CDKN2C: variants seen among roughly 807,000 people sequenced by gnomAD.
The protein encoded by CDKN2C is cyclin-dependent kinase 4 inhibitor C.
In CDKN2C, 5 loss-of-function variants were observed where a neutral mutation model predicts 11.0. That is an observed-to-expected ratio of 0.45 (90% CI 0.24 to 0.95). The LOEUF (loss-of-function observed/expected upper bound fraction) is 0.95. Ranked by LOEUF, CDKN2C falls within the 40% of genes least tolerant of loss-of-function variation. The pLI is 0.21. For synonymous variants in CDKN2C, 79 were observed against 88.3 expected, an observed-to-expected ratio of 0.89 and a Z score of 0.59; for missense variants, 161 against 211.9, an observed-to-expected ratio of 0.76 and a Z score of 1.49.
chr1:50,965,351 A>C (rs993604228), upstream of CDKN2C, among the ~76,000 whole-genome samples: 1 of 152,028 alleles, frequency 6.6e-6, no homozygotes, highest in African/African-American at 2.4e-5. Context: ...TACAAAAATT[A>C]GCTGGGTGTG....
At chr1:50,965,826 T>A (rs1645344797), upstream of CDKN2C, among the ~76,000 whole-genome samples, 1 of 152,150 alleles carries the variant, frequency 6.6e-6, no homozygotes, top group South Asian at 2.1e-4. Flanking sequence ...TAAAGTCACA[T>A]AAAAGGCTGC....
chr1:50,962,626 C>T (rs774612627), intron 1 of CDKN2C, among the ~76,000 whole-genome samples: 1 of 152,180 alleles, frequency 6.6e-6, no homozygotes, highest in Non-Finnish European at 1.5e-5. Flanking sequence ...CCTCAGAACC[C>T]ATTCAAATCC....
In CDKN2C at chr1:50,970,404, A is replaced by C. The variant is rs758854054; in HGVS notation, c.36A>C (p.Ala12=). The change falls in exon 1 of 2, where the codon GCA becomes GCC. Residue 12 remains alanine (A), a synonymous_variant. Coordinates refer to ENST00000371761, the MANE Select transcript of CDKN2C (RefSeq NM_078626.3). The part of the protein sequence containing the change: ...AEPWGNELAS[A]AARGDLEQLT... Reference sequence around the variant, plus strand: ...CTTGGGGGAACGAGTTGGCGTCCGCAGCTGCCAGGGGGGACCTAGAGCAAC... The same window carrying C: ...CTTGGGGGAACGAGTTGGCGTCCGCCGCTGCCAGGGGGGACCTAGAGCAAC... 2 of 1,614,156 alleles carry C rather than the reference A, an allele frequency of 1.2e-6. No homozygotes were observed. Among genetic ancestry groups the C allele is most frequent in the Non-Finnish European group, 1.7e-6 (2 of 1,180,018 alleles).
chr1:50,961,253 T>C (rs1260632376), intron 1 of CDKN2C, among the ~76,000 whole-genome samples: 11 of 152,202 alleles, frequency 7.2e-5, no homozygotes, highest in Admixed American at 7.2e-4. Flanking sequence ...TTGGGCAAGC[T>C]GATCTCGAAC....
intron 1 of CDKN2C, chr1:50,960,878 C>A (rs781117523): frequency 1.8e-4 from 27 of 151,920 alleles, no homozygotes; most frequent in Non-Finnish European, 3.5e-4. Flanking sequence ...ATAACAACCT[C>A]GAGTTAATAG....
chr1:50,972,305 A>G (rs1411416006), intron 1 of CDKN2C, among the ~76,000 whole-genome samples: 1 of 152,134 alleles, frequency 6.6e-6, no homozygotes, highest in Admixed American at 6.5e-5. Flanking sequence ...TAAATTATGT[A>G]TCACTGTTTA....
intron 1 of CDKN2C, among the ~76,000 whole-genome samples, chr1:50,972,898 G>A (rs1174784427): frequency 1.3e-5 from 2 of 152,130 alleles, no homozygotes; most frequent in East Asian, 3.8e-4. Flanking sequence ...ATTATTAAAT[G>A]AGCTCAAACC....
At chr1:50,970,109 C>T (rs1335336109), upstream of CDKN2C, 1 of 533,866 alleles carries the variant, frequency 1.9e-6, no homozygotes, top group Non-Finnish European at 3.4e-6. Context: ...CAGAATTCTT[C>T]ATAGGGGTTA....
At chr1:50,973,353 ACAT>A (rs1212667110) in intron 1 of CDKN2C, among the ~76,000 whole-genome samples, 1 of 152,354 alleles carries the variant, frequency 6.6e-6, no homozygotes, top group East Asian at 1.9e-4. Context: ...GATTTTTAAA[ACAT>A]CATTTTTACA....
chr1:50,971,437 T>C (rs1343958465), intron 1 of CDKN2C, among the ~76,000 whole-genome samples: 1 of 152,210 alleles, frequency 6.6e-6, no homozygotes, highest in Non-Finnish European at 1.5e-5. Context: ...AAAATTTAAG[T>C]GCCAAGAGAT....
chr1:50,962,232 A>C (rs72692216), intron 1 of CDKN2C, among the ~76,000 whole-genome samples: 2,037 of 152,264 alleles, frequency 0.013, 19 homozygotes, highest in Middle Eastern at 0.02. Context: ...AATAATACAA[A>C]AATTAGCTGG....
intron 1 of CDKN2C, 75 bp downstream of exon 1, chr1:50,970,572 T>G: frequency 6.4e-7 from 1 of 1,551,256 alleles, no homozygotes; most frequent in East Asian, 2.2e-5. Context: ...ATTTACAGCT[T>G]TTAAGCTTTC....
At chr1:50,973,746 G>T in intron 1 of CDKN2C, 147 bp from the exon 2 acceptor site, 1 of 920,838 alleles carries the variant, frequency 1.1e-6, no homozygotes, top group Non-Finnish European at 1.7e-6. Context: ...TTCTGCATTT[G>T]ACCCCTTCAA....
At chr1:50,964,946 C>G (rs754457110) in intron 1 of CDKN2C, among the ~76,000 whole-genome samples, 1 of 151,794 alleles carries the variant, frequency 6.6e-6, no homozygotes, top group Non-Finnish European at 1.5e-5. Context: ...CCCAGGTACT[C>G]GGGGGCTGAG....
chr1:50,970,168 T>C, upstream of CDKN2C: 1 of 638,732 alleles, frequency 1.6e-6, no homozygotes, highest in Non-Finnish European at 2.7e-6. Context: ...TCAGTTTTGC[T>C]GAATAATCAC....
rs748777267 is a variant in CDKN2C, at chr1:50,970,434, T to C, written c.66T>C (p.Thr22=). 5.6e-6 allele frequency: 9 copies of C among 1,614,022 alleles called. No homozygotes were observed. The African/African-American group carries it at 9.3e-5, about 17-fold the overall frequency. Residue 22 remains threonine (T), a synonymous_variant, in exon 1 of 2, where the codon ACT becomes ACC. Coordinates refer to ENST00000371761, the MANE Select transcript of CDKN2C (RefSeq NM_078626.3). ...AAARGDLEQL[T]SLLQNNVNVN... is the part of the protein sequence containing the mutation. ...CCAGGGGGGACCTAGAGCAACTTAC[T>C]AGTTTGTTGCAAAATAATGTAAACG...
At chr1:50,973,827 GA>G in intron 1 of CDKN2C, 65 bp from the exon 2 acceptor site, 3 of 1,564,066 alleles carry the variant, frequency 1.9e-6, no homozygotes, top group Non-Finnish European at 2.6e-6. Context: ...AGGACAGGCA[GA>G]TATTTTAAAA....
chr1:50,974,493 G>C lies in CDKN2C; in HGVS notation c.*223G>C. ...CTAACATGTAATTGCAGATAACTTT[G>C]ACTTTCTTCTGAATATTTTATCTTT... On this transcript the variant is annotated 3_prime_UTR_variant, in exon 2 of 2. Coordinates refer to ENST00000371761, the MANE Select transcript of CDKN2C (RefSeq NM_078626.3). 1 of 419,194 alleles carries C rather than the reference G, an allele frequency of 2.4e-6. No individual in the cohort carries two copies. The highest frequency in any genetic ancestry group is 4.2e-6 in the Non-Finnish European group (1 of 239,380). 26.0% of individuals were successfully genotyped at this position (419,194 alleles called of 1,614,324 possible).
At chr1:50,973,760 C>G in intron 1 of CDKN2C, 133 bp from the exon 2 acceptor site, 2 of 1,092,380 alleles carry the variant, frequency 1.8e-6, no homozygotes, top group Non-Finnish European at 2.8e-6. Context: ...CCTTCAAGCC[C>G]CATCCTATGG....
Sources: allele counts gnomAD v4.1 joint callset (sites outside exome capture counted in the v4.1 genomes callset), GRCh38; gene constraint gnomAD v4.1.1; transcripts MANE v1.5; gene names NCBI Gene and HGNC (gene_info 2026-07-23, HGNC 2026-07-21).